Variants in ATAD5 observed in about 807,000 individuals in gnomAD.
The protein encoded by ATAD5 is ATPase family AAA domain containing 5.
Under a neutral mutation model 176.9 loss-of-function variants are expected in ATAD5, and 58 were observed. The ratio of observed to expected loss-of-function variants is 0.33; its 90% CI spans 0.27 to 0.41. ATAD5 has a LOEUF of 0.41. Among genes scored for constraint, ATAD5 ranks in the 10% least tolerant of loss-of-function variants. ATAD5 has a pLI of 1.00. For synonymous variants in ATAD5, 640 were observed against 712.6 expected (o/e 0.90, Z 1.62); for missense variants, 1,789 against 2,094.1 (o/e 0.85, Z 2.84).
At chr17:30,845,009 C>A in intron 6 of ATAD5, 93 bp downstream of exon 6, 1 of 1,129,356 alleles carries the variant, frequency 8.9e-7, no homozygotes, top group Non-Finnish European at 1.3e-6. Context: ...TGTGAATTAT[C>A]ATTTGAAGCT....
chr17:30,854,180 CTT>C (rs1907149485), intron 6 of ATAD5, among the ~76,000 whole-genome samples: 1 of 143,960 alleles, frequency 6.9e-6, no homozygotes, highest in East Asian at 2.0e-4. Context: ...TTGTCAATAT[CTT>C]ATATAAAATC....
intron 1 of ATAD5, among the ~76,000 whole-genome samples, chr17:30,833,398 G>A (rs536777099): frequency 1.3e-5 from 2 of 152,154 alleles, no homozygotes; most frequent in African/African-American, 4.8e-5. Flanking sequence ...TAATATGTTA[G>A]GGGTAAGAAC....
At chr17:30,872,842 T>C (rs1908420886) in intron 14 of ATAD5, among the ~76,000 whole-genome samples, 1 of 152,114 alleles carries the variant, frequency 6.6e-6, no homozygotes, top group South Asian at 2.1e-4. Flanking sequence ...AGGCATGAGC[T>C]ACTGCACCCA....
intron 19 of ATAD5, among the ~76,000 whole-genome samples, chr17:30,891,373 A>T (rs1909630552): frequency 6.6e-6 from 1 of 151,958 alleles, no homozygotes; most frequent in Admixed American, 6.6e-5. Context: ...AGGTCTTTGA[A>T]ATTATTATTA....
intron 5 of ATAD5, 132 bp downstream of exon 5, chr17:30,844,171 C>G: frequency 1.2e-6 from 1 of 850,516 alleles, no homozygotes; most frequent in Non-Finnish European, 1.6e-6. Context: ...CTTTGTCACT[C>G]AGGCTGGAGT....
chr17:30,846,449 C>T (rs555552058), intron 6 of ATAD5, among the ~76,000 whole-genome samples: 2 of 147,336 alleles, frequency 1.4e-5, no homozygotes, highest in East Asian at 2.0e-4. Context: ...TGTCACTAGG[C>T]TGGAGTGCAG....
At chr17:30,844,946 A>G (rs1456444460) in intron 6 of ATAD5, 30 bp downstream of exon 6, 1 of 1,504,050 alleles carries the variant, frequency 6.6e-7, no homozygotes, top group Non-Finnish European at 9.1e-7. Flanking sequence ...TTAAATGCCA[A>G]AATATTTTAT....
At chr17:30,866,334 A>C (rs1253414998) in intron 11 of ATAD5, among the ~76,000 whole-genome samples, 1 of 150,236 alleles carries the variant, frequency 6.7e-6, no homozygotes, top group Non-Finnish European at 1.5e-5. Context: ...AGTAGCTGGG[A>C]CTACAGGGGT....
At chr17:30,845,152 G>A (rs1036678620) in intron 6 of ATAD5, among the ~76,000 whole-genome samples, 1 of 152,134 alleles carries the variant, frequency 6.6e-6, no homozygotes, top group African/African-American at 2.4e-5. Flanking sequence ...ATACAAAAAA[G>A]CTGATAATGA....
chr17:30,892,485 A>G, intron 19 of ATAD5, 122 bp from the exon 20 acceptor site: 1 of 531,026 alleles, frequency 1.9e-6, no homozygotes, highest in South Asian at 4.9e-5. Flanking sequence ...TTAAACACAT[A>G]TGTAGAGAAC....
At chr17:30,866,957 G>A (rs1908025163) in intron 11 of ATAD5, among the ~76,000 whole-genome samples, 1 of 151,938 alleles carries the variant, frequency 6.6e-6, no homozygotes, top group South Asian at 2.1e-4. Context: ...AAAACAATCT[G>A]GTCCAAAGGA....
chr17:30,885,619 CTTTCTTTTT>C (rs1364562792), intron 18 of ATAD5, among the ~76,000 whole-genome samples: 2 of 110,478 alleles, frequency 1.8e-5, no homozygotes, highest in African/African-American at 7.1e-5. Context: ...TTTATTCCAA[CTTTCTTTTT>C]TTTTTTTTTT....
chr17:30,895,740 C>A lies in ATAD5; in HGVS notation c.*827C>A, dbSNP rs924682920. 2 of 151,896 alleles carry A rather than the reference C, an allele frequency of 1.3e-5. No individual in the cohort carries two copies. The highest frequency in any genetic ancestry group is 4.8e-5 in the African/African-American group (2 of 41,338). The allele number at this position is 151,896 out of a possible 1,614,324, so 9.4% of individuals were successfully genotyped here. On this transcript the variant is annotated 3_prime_UTR_variant, in exon 23 of 23. Coordinates refer to ENST00000321990, the MANE Select transcript of ATAD5 (RefSeq NM_024857.5). ...CAGTTTTGAACAGTATAGATGCATA[C>A]CTGTTTACAAATGTGTATGAAGATA...
At chr17:30,891,064 A>G (rs1909613085) in intron 19 of ATAD5, among the ~76,000 whole-genome samples, 1 of 152,220 alleles carries the variant, frequency 6.6e-6, no homozygotes, top group Non-Finnish European at 1.5e-5. Flanking sequence ...ATATCTTTAT[A>G]CATATATCCT....
At chr17:30,877,104 G>A (rs1031270796) in intron 15 of ATAD5, among the ~76,000 whole-genome samples, 4 of 149,404 alleles carry the variant, frequency 2.7e-5, no homozygotes, top group East Asian at 2.0e-4. Context: ...TGCAACCTCC[G>A]CCTCCTGGGT....
At chr17:30,892,474 A>G in intron 19 of ATAD5, 133 bp from the exon 20 acceptor site, 1 of 476,292 alleles carries the variant, frequency 2.1e-6, no homozygotes, top group Non-Finnish European at 3.5e-6. Flanking sequence ...CTCTTAATGA[A>G]TTAAACACAT....
At chr17:30,843,305 T>G (rs1906246456) in intron 4 of ATAD5, among the ~76,000 whole-genome samples, 1 of 151,368 alleles carries the variant, frequency 6.6e-6, no homozygotes, top group Non-Finnish European at 1.5e-5. Context: ...TGAGCCATGA[T>G]CATGTTACTG....
rs1226516959 is a variant in ATAD5, at chr17:30,850,879, T to A, written c.2451-4264T>A. 5.8e-3 allele frequency among the ~76,000 whole-genome samples: 224 copies of A among 38,848 alleles called. 2 individuals are homozygous for A. Among genetic ancestry groups the A allele is most frequent in the African/African-American group, 8.0e-3 (93 of 11,614 alleles). The allele number at this position is 38,848 out of a possible 152,430, so 25.5% of individuals were successfully genotyped here. A position where few individuals can be genotyped will look rare whatever the true frequency, so the allele number is the denominator to read the frequency against. ...TATATATATATATATATTTTTTTTTTTTTTTTTTTTTTTTTTTTTTTTTGA... is the reference window on the plus strand; with the variant it reads ...TATATATATATATATATTTTTTTTTATTTTTTTTTTTTTTTTTTTTTTTGA... On this transcript the variant is annotated intron_variant, in intron 6 of 22. Coordinates refer to ENST00000321990, the MANE Select transcript of ATAD5 (RefSeq NM_024857.5).
At chr17:30,868,997 T>C (rs76743571) in intron 12 of ATAD5, among the ~76,000 whole-genome samples, 19,888 of 151,372 alleles carry the variant, frequency 0.13, 1,442 homozygotes, top group South Asian at 0.24. Flanking sequence ...TCACCACACC[T>C]GGCTAATTTT....
Sources: allele counts gnomAD v4.1 joint callset (sites outside exome capture counted in the v4.1 genomes callset), GRCh38; gene constraint gnomAD v4.1.1; transcripts MANE v1.5; gene names NCBI Gene and HGNC (gene_info 2026-07-23, HGNC 2026-07-21).